AFMID: variants seen among roughly 807,000 people sequenced by gnomAD.
AFMID encodes the protein arylformamidase.
AFMID carries 39 observed loss-of-function variants against 47.5 expected under a neutral mutation model. That is an observed-to-expected ratio of 0.82 (90% CI 0.64 to 1.07). The LOEUF (loss-of-function observed/expected upper bound fraction) is 1.07. AFMID is among the 50% of genes least tolerant of loss of function. AFMID has a pLI of 0.00. For missense variants in AFMID, 375 were observed against 387.5 expected, an observed-to-expected ratio of 0.97 and a Z score of 0.27; for synonymous variants, 130 against 153.2, an observed-to-expected ratio of 0.85 and a Z score of 1.12.
chr17:78,198,677 C>T (rs1298836814), intron 2 of AFMID, among the ~76,000 whole-genome samples: 3 of 151,106 alleles, frequency 2.0e-5, no homozygotes, highest in African/African-American at 7.3e-5. Context: ...GGTGTGGTGG[C>T]GCACACCTGT....
chr17:78,195,204 C>A (rs1035943247), intron 2 of AFMID, among the ~76,000 whole-genome samples: 1 of 142,704 alleles, frequency 7.0e-6, no homozygotes, highest in South Asian at 2.2e-4. Flanking sequence ...TTTTTTTTTT[C>A]TTTTGAGACA....
At chr17:78,197,896 C>T (rs538299527) in intron 2 of AFMID, among the ~76,000 whole-genome samples, 6 of 152,092 alleles carry the variant, frequency 3.9e-5, no homozygotes, top group Middle Eastern at 3.4e-3. Context: ...AGCAGGAGGA[C>T]GCTTGAGCCC....
At position 78,202,536 on chromosome 17, in the gene AFMID, G is replaced by T; in HGVS notation, c.192G>T (p.Leu64=). 6.2e-7 allele frequency: 1 copy of T among 1,614,140 alleles called. No homozygotes were observed. The highest frequency in any genetic ancestry group is 1.1e-5 in the South Asian group (1 of 91,086). ...TRARATRKSL[L]HVPYGDGEGE... is the part of the protein sequence containing the mutation. ...CCCGGGCCACCAGGAAGAGCCTGCT[G>T]CATGTCCCCTATGGAGACGGCGAAG... The change falls in exon 3 of 11, where the codon CTG becomes CTT. Residue 64 remains leucine, a synonymous_variant. Transcript: ENST00000409257.
chr17:78,197,343 C>T, intron 2 of AFMID: 1 of 749,822 alleles, frequency 1.3e-6, no homozygotes, highest in Admixed American at 2.7e-5. Flanking sequence ...GTGCGTCCTA[C>T]AGATGCTTGC....
At chr17:78,204,120 A>G (rs1281120668) in intron 4 of AFMID, 3 of 158,844 alleles carry the variant, frequency 1.9e-5, no homozygotes, top group South Asian at 1.8e-4. Flanking sequence ...GAGAGGGAAC[A>G]TAATTGCCTC....
intron 2 of AFMID, among the ~76,000 whole-genome samples, chr17:78,191,870 A>G (rs925689867): frequency 7.3e-5 from 11 of 150,864 alleles, no homozygotes; most frequent in Non-Finnish European, 1.3e-4. Context: ...TTGTATTTTT[A>G]GTAGAGATGG....
At chr17:78,192,918 G>A in intron 2 of AFMID, 1 of 268,904 alleles carries the variant, frequency 3.7e-6, no homozygotes, top group South Asian at 3.7e-5. Context: ...AGGAGGAACA[G>A]ACTTGTTAGA....
At chr17:78,201,289 G>A (rs1455728464) in intron 2 of AFMID, among the ~76,000 whole-genome samples, 2 of 145,912 alleles carry the variant, frequency 1.4e-5, no homozygotes, top group Non-Finnish European at 3.0e-5. Context: ...GCAAGACTCC[G>A]TCGCAAAAAA....
At chr17:78,206,628 G>A (rs566658347) in intron 10 of AFMID, among the ~76,000 whole-genome samples, 1 of 116,704 alleles carries the variant, frequency 8.6e-6, no homozygotes, top group East Asian at 2.4e-4. Flanking sequence ...GCTGGTCGTC[G>A]TCGTCTTCCT....
rs756671596 is a variant in AFMID, at chr17:78,187,395, T to G, written c.25T>G (p.Phe9Val). 136 of 1,613,804 alleles carry G rather than the reference T, an allele frequency of 8.4e-5. No homozygotes were observed. The highest frequency in any genetic ancestry group is 1.1e-4 in the Non-Finnish European group (135 of 1,179,962). Residue 9 changes from phenylalanine (F) to valine (V), a missense_variant, in exon 1 of 11, where the codon TTC becomes GTC. By Grantham distance (50) the Phe-to-Val change is conservative. Coordinates refer to ENST00000409257, the MANE Select transcript of AFMID (RefSeq NM_001010982.5). Reference sequence around the variant, plus strand: ...CATGATGGATGTGTCTGGTGTGGGTTTCCCAAGCAAGGTTCCTTGGAAGAA... The same window carrying G: ...CATGATGGATGTGTCTGGTGTGGGTGTCCCAAGCAAGGTTCCTTGGAAGAA... MMDVSGVG[F>V]PSKVPWKKMS...
intron 2 of AFMID, among the ~76,000 whole-genome samples, chr17:78,200,643 C>G (rs1447471901): frequency 1.3e-5 from 2 of 152,110 alleles, no homozygotes; most frequent in Non-Finnish European, 2.9e-5. Flanking sequence ...TGACGTAGCC[C>G]CAGGCCTTGG....
At chr17:78,205,299 G>T in intron 7 of AFMID, 109 bp downstream of exon 7, 1 of 1,423,338 alleles carries the variant, frequency 7.0e-7, no homozygotes, top group South Asian at 1.2e-5. Flanking sequence ...TTGACCGCAG[G>T]GCTTCGAGCC....
intron 2 of AFMID, among the ~76,000 whole-genome samples, chr17:78,194,250 C>T (rs1370474807): frequency 2.6e-5 from 4 of 151,804 alleles, no homozygotes; most frequent in Non-Finnish European, 4.4e-5. Context: ...TTCAGCCTCC[C>T]GAGTAGCTGG....
chr17:78,204,850 C>G lies in AFMID; in HGVS notation c.417C>G (p.Asp139Glu), dbSNP rs757325990. The G allele has an allele frequency of 1.9e-6, 3 of 1,614,216 alleles. No individual in the cohort carries two copies. The highest frequency in any genetic ancestry group is 1.1e-5 in the South Asian group (1 of 91,090). The change falls in exon 6 of 11, where the codon GAC becomes GAG. Residue 139 changes from aspartate (D) to glutamate (E), a missense_variant. Coordinates refer to ENST00000409257, the MANE Select transcript of AFMID (RefSeq NM_001010982.5). ...CAGGCACCCTGGACCACATGGTAGA[C>G]CAGGTGACCCGCAGCGTTGCGTTTG... ...APKGTLDHMV[D>E]QVTRSVAFVQ...
Position 78,207,114 on chromosome 17 carries a change from A to C in AFMID, c.*177A>C. 1.4e-6 allele frequency: 1 copy of C among 692,590 alleles called. No individual in the cohort carries two copies. Among genetic ancestry groups the C allele is most frequent in the Non-Finnish European group, 2.5e-6 (1 of 397,846 alleles). 42.9% of individuals were successfully genotyped at this position (692,590 alleles called of 1,614,324 possible). ...TGCTGGGACACTCATGAAAATCTCC[A>C]CGTCCTCCCTCTTCCCAGCCTGGAT... On this transcript the variant is annotated 3_prime_UTR_variant, in exon 11 of 11. Transcript: ENST00000409257.
At chr17:78,206,160 A>G in intron 10 of AFMID, 110 bp downstream of exon 10, 2 of 844,102 alleles carry the variant, frequency 2.4e-6, no homozygotes, top group Non-Finnish European at 1.9e-6. Context: ...ACATGGAGAA[A>G]CTCCGTGTCT....
rs775909033 is a variant in AFMID at position 78,191,332 on chromosome 17, C to A, written c.154+272C>A. 7.9e-5 allele frequency among the ~76,000 whole-genome samples: 12 copies of A among 152,206 alleles called. 3 individuals are homozygous for A. The highest frequency in any genetic ancestry group is 1.9e-4 in the East Asian group (1 of 5,162). The stretch of plus-strand genomic sequence containing the variant: ...TTGCTCAGCCATCCATACCCAGGCC[C>A]GTAAGGCTGCGGGCTGTGGTTGGCA... On this transcript the variant is annotated intron_variant, in intron 2 of 10. Coordinates refer to ENST00000409257, the MANE Select transcript of AFMID (RefSeq NM_001010982.5).
At chr17:78,193,272 G>A (rs1347766564) in intron 2 of AFMID, among the ~76,000 whole-genome samples, 1 of 150,876 alleles carries the variant, frequency 6.6e-6, no homozygotes, top group African/African-American at 2.4e-5. Context: ...TCAGGAGGCT[G>A]AGGCAGGAGA....
At chr17:78,197,033 G>A (rs1243889773) in intron 2 of AFMID, 3 of 867,682 alleles carry the variant, frequency 3.5e-6, no homozygotes, top group African/African-American at 1.7e-5. Flanking sequence ...AGAGGCTTAT[G>A]CATGATAATG....
Sources: gnomAD v4.1 joint callset for allele counts (sites outside exome capture counted in the v4.1 genomes callset) on GRCh38, gnomAD v4.1.1 for gene constraint, MANE v1.5 for transcripts, NCBI Gene and HGNC (gene_info 2026-07-23, HGNC 2026-07-21) for gene names.